Variants in NGF observed in about 807,000 individuals in gnomAD.
NGF encodes beta-nerve growth factor.
Under a neutral mutation model 12.8 loss-of-function variants are expected in NGF, and 4 were observed. The ratio of observed to expected loss-of-function variants is 0.31; its 90% confidence interval spans 0.15 to 0.72. NGF has a LOEUF of 0.72. Among genes scored for constraint, NGF ranks in the 30% least tolerant of loss-of-function variants. NGF has a pLI of 0.69. For synonymous variants in NGF, 140 were observed against 130.0 expected, an observed-to-expected ratio of 1.08 and a Z score of -0.52; for missense variants, 283 against 330.8, an observed-to-expected ratio of 0.86 and a Z score of 1.12.
intron 2 of NGF, among the ~76,000 whole-genome samples, chr1:115,290,386 C>CTTT (rs67332447): frequency 1.1e-4 from 7 of 64,486 alleles, no homozygotes; most frequent in Non-Finnish European, 1.7e-4. Context: ...CTTCTCTCAT[C>CTTT]TTTTTTTTTT....
intron 1 of NGF, among the ~76,000 whole-genome samples, chr1:115,299,126 G>C (rs548005060): frequency 3.9e-5 from 6 of 152,316 alleles, no homozygotes; most frequent in East Asian, 1.9e-4. Flanking sequence ...TAACTATCTA[G>C]TGGTTTTGGC....
chr1:115,311,030 A>G (rs763910016), intron 1 of NGF, among the ~76,000 whole-genome samples: 18 of 152,168 alleles, frequency 1.2e-4, no homozygotes, highest in Non-Finnish European at 2.5e-4. Flanking sequence ...TAGGTATTCT[A>G]TTTTGGGCAA....
chr1:115,333,808 CT>C (rs1227300972), intron 1 of NGF, among the ~76,000 whole-genome samples: 1 of 140,962 alleles, frequency 7.1e-6, no homozygotes, highest in African/African-American at 2.8e-5. Flanking sequence ...CTTTCTTTCT[CT>C]TTTTCTTTCT....
chr1:115,320,383 C>T lies in NGF; in HGVS notation c.-137+17821G>A, dbSNP rs188463927. Among the ~76,000 whole-genome samples, 50 of 152,222 alleles carry T rather than the reference C, an allele frequency of 3.3e-4. No individual in the cohort carries two copies. The East Asian group carries it at 9.5e-3, about 29-fold the overall frequency. On this transcript the variant is annotated intron_variant, in intron 1 of 2. Transcript: ENST00000369512. ...CAATTATAAGAAAATGCCAGCATCC[C>T]TACTCTTGTGCTTTGGGGCCATTAT...
chr1:115,323,651 A>G (rs551934672), intron 1 of NGF, among the ~76,000 whole-genome samples: 14 of 152,338 alleles, frequency 9.2e-5, no homozygotes, highest in African/African-American at 3.4e-4. Context: ...TCACCATTAT[A>G]TCACTCTGTA....
chr1:115,318,961 G>A (rs1654545350), intron 1 of NGF, among the ~76,000 whole-genome samples: 1 of 152,194 alleles, frequency 6.6e-6, no homozygotes, highest in Non-Finnish European at 1.5e-5. Flanking sequence ...GCTATGGACA[G>A]ATGCTGTTGA....
rs67307707 is a variant in NGF, at chr1:115,337,267, GTTTTTTTTT to G, written c.-137+928_-137+936del. 9.3e-4 allele frequency among the ~76,000 whole-genome samples: 75 copies of G among 81,028 alleles called. 3 individuals are homozygous for G. Among genetic ancestry groups the G allele is most frequent in the East Asian group, 4.8e-3 (13 of 2,724 alleles). The allele number at this position is 81,028 out of a possible 152,430, so 53.2% of individuals were successfully genotyped here. A position where few individuals can be genotyped will look rare whatever the true frequency, so the allele number is the denominator to read the frequency against. On this transcript the variant is annotated intron_variant, in intron 1 of 2. Transcript: ENST00000369512. ...TCGAAATTTTTTTTGTTTTGTTTTT[GTTTTTTTTT>G]TTTTTTTTTTTTTTTTTTTTTTTTT...
intron 1 of NGF, among the ~76,000 whole-genome samples, chr1:115,298,205 T>C (rs969300852): frequency 3.9e-5 from 6 of 152,192 alleles, no homozygotes; most frequent in African/African-American, 1.2e-4. Flanking sequence ...TTTGTTTTAC[T>C]CCTTGCATGC....
chr1:115,313,807 GA>G (rs1654400415), intron 1 of NGF, among the ~76,000 whole-genome samples: 2 of 152,190 alleles, frequency 1.3e-5, no homozygotes, highest in Admixed American at 1.3e-4. Flanking sequence ...TGAGCCTGAG[GA>G]AACAGTTGAG....
chr1:115,312,827 G>A (rs551424683), intron 1 of NGF, among the ~76,000 whole-genome samples: 1 of 152,180 alleles, frequency 6.6e-6, no homozygotes, highest in Admixed American at 6.5e-5. Context: ...AAGATTCCAT[G>A]GTCAAACATA....
intron 1 of NGF, among the ~76,000 whole-genome samples, chr1:115,300,790 AGT>A (rs907759669): frequency 2.0e-5 from 3 of 152,294 alleles, no homozygotes; most frequent in Admixed American, 6.5e-5. Flanking sequence ...TACTTCCATG[AGT>A]GTGTTTGTCA....
chr1:115,320,605 C>T (rs1027756136), intron 1 of NGF, among the ~76,000 whole-genome samples: 9 of 152,118 alleles, frequency 5.9e-5, no homozygotes, highest in African/African-American at 1.4e-4. Flanking sequence ...AGTGGGATGG[C>T]GCAATATATC....
chr1:115,320,927 C>T (rs7516191), intron 1 of NGF, among the ~76,000 whole-genome samples: 1 of 152,026 alleles, frequency 6.6e-6, no homozygotes, highest in East Asian at 1.9e-4. Flanking sequence ...GAGAAGCTTA[C>T]GGTGGAGCAG....
chr1:115,314,465 G>A (rs890354393), intron 1 of NGF, among the ~76,000 whole-genome samples: 2 of 152,164 alleles, frequency 1.3e-5, no homozygotes, highest in Non-Finnish European at 2.9e-5. Flanking sequence ...CTTTGGGCAC[G>A]CTTCTTGTAG....
chr1:115,329,475 T>C (rs1395691907), intron 1 of NGF, among the ~76,000 whole-genome samples: 1 of 152,182 alleles, frequency 6.6e-6, no homozygotes. Flanking sequence ...CATGCTGTTG[T>C]CTATGCCAGT....
At chr1:115,303,618 C>G (rs766668648) in intron 1 of NGF, among the ~76,000 whole-genome samples, 6 of 152,164 alleles carry the variant, frequency 3.9e-5, no homozygotes, top group Non-Finnish European at 8.8e-5. Context: ...ACCAGCATTA[C>G]CACTTCCAAC....
At chr1:115,338,148 C>G (rs931035009) in intron 1 of NGF, 56 bp downstream of exon 1, 12 of 152,782 alleles carry the variant, frequency 7.9e-5, no homozygotes, top group African/African-American at 2.9e-4. Context: ...CCAGCCACCC[C>G]TGCCCGCGCC....
chr1:115,313,729 C>T, intron 1 of NGF, among the ~76,000 whole-genome samples: 1 of 152,132 alleles, frequency 6.6e-6, no homozygotes, highest in African/African-American at 2.4e-5. Flanking sequence ...GAGTAACATT[C>T]TATTGCCATG....
chr1:115,288,266 C>T (rs1653579407), intron 2 of NGF, among the ~76,000 whole-genome samples: 1 of 152,160 alleles, frequency 6.6e-6, no homozygotes, highest in South Asian at 2.1e-4. Context: ...AAGAACTCTG[C>T]ATTGGGTCTG....
Sources: allele counts gnomAD v4.1 joint callset (sites outside exome capture counted in the v4.1 genomes callset), GRCh38; gene constraint gnomAD v4.1.1; transcripts MANE v1.5; gene names NCBI Gene and HGNC (gene_info 2026-07-23, HGNC 2026-07-21).